ROCK1: variants seen among roughly 807,000 people sequenced by gnomAD.
ROCK1 encodes the protein rho-associated protein kinase 1.
In ROCK1, 36 loss-of-function variants were observed where a neutral mutation model predicts 196.8. The ratio of observed to expected loss-of-function variants is 0.18; its 90% CI spans 0.14 to 0.24. ROCK1 has a LOEUF of 0.24. ROCK1 is among the 10% of genes least tolerant of loss of function. The pLI is 1.00. For missense variants in ROCK1, 920 were observed against 1,562.0 expected (o/e 0.59, Z 6.93); for synonymous variants, 443 against 515.9 (o/e 0.86, Z 1.91).
chr18:20,979,833 C>T (rs2035514262), intron 22 of ROCK1, 77 bp downstream of exon 22: 1 of 1,424,682 alleles, frequency 7.0e-7, no homozygotes, highest in East Asian at 2.6e-5. Context: ...AGAATAATGG[C>T]ACATCTATTC....
chr18:21,091,105 T>C (rs1232138037), intron 1 of ROCK1, among the ~76,000 whole-genome samples: 1 of 151,806 alleles, frequency 6.6e-6, no homozygotes, highest in Non-Finnish European at 1.5e-5. Flanking sequence ...TCCCCTTCCA[T>C]CTCTTTTACC....
At chr18:21,022,646 T>C (rs1469738998) in intron 11 of ROCK1, among the ~76,000 whole-genome samples, 1 of 152,180 alleles carries the variant, frequency 6.6e-6, no homozygotes, top group Non-Finnish European at 1.5e-5. Context: ...ACGTTTTATA[T>C]TCCTCTTCTA....
At chr18:21,041,701 G>A (rs116626303) in intron 8 of ROCK1, among the ~76,000 whole-genome samples, 3,411 of 152,052 alleles carry the variant, frequency 0.022, 138 homozygotes, top group African/African-American at 0.079. Context: ...GTGTATCACC[G>A]TTTTTATACC....
chr18:20,980,164 CA>C (rs1568373967), intron 21 of ROCK1, among the ~76,000 whole-genome samples, 160 bp from the exon 22 acceptor site: 1 of 151,944 alleles, frequency 6.6e-6, no homozygotes, highest in African/African-American at 2.4e-5. Context: ...TAGTCTTACA[CA>C]TGAATTTCCC....
In ROCK1 at chr18:20,990,635, T is replaced by C. The variant is rs943479931; in HGVS notation, c.2143+541A>G. Among the ~76,000 whole-genome samples the C allele has an allele frequency of 6.9e-5, 9 of 131,216 alleles. No individual in the cohort carries two copies. The South Asian group carries it at 7.2e-4, about 10-fold the overall frequency. 86.1% of individuals were successfully genotyped at this position (131,216 alleles called of 152,430 possible). A position where few individuals can be genotyped will look rare whatever the true frequency, so the allele number is the denominator to read the frequency against. The stretch of plus-strand genomic sequence containing the variant: ...CTTGAACCTGGAGGCAGAGACTGCA[T>C]TGAGCCAAGATCACACCATTGCACT... On this transcript the variant is annotated intron_variant, in intron 18 of 32. Coordinates refer to ENST00000399799, the MANE Select transcript of ROCK1 (RefSeq NM_005406.3).
At chr18:21,103,792 C>T (rs547735045) in intron 1 of ROCK1, among the ~76,000 whole-genome samples, 7 of 152,186 alleles carry the variant, frequency 4.6e-5, no homozygotes, top group Admixed American at 2.6e-4. Flanking sequence ...TGGTCCAACT[C>T]TTTGTTCTAC....
chr18:20,948,469 CTTAT>C lies in ROCK1; in HGVS notation c.*2911_*2914del, dbSNP rs2035150823. On this transcript the variant is annotated 3_prime_UTR_variant, in exon 33 of 33. Coordinates refer to ENST00000399799, the MANE Select transcript of ROCK1 (RefSeq NM_005406.3). ...TGAGTTTGTCATTTAAGTTCTTTTA[CTTAT>C]TTTTTTTACTTTAAATGAAGGGTGA... The C allele has an allele frequency of 6.6e-6, 1 of 150,426 alleles. No individual in the cohort carries two copies. The highest frequency in any genetic ancestry group is 1.5e-5 in the Non-Finnish European group (1 of 68,004). 9.3% of individuals were successfully genotyped at this position (150,426 alleles called of 1,614,324 possible). A position where few individuals can be genotyped will look rare whatever the true frequency, so the allele number is the denominator to read the frequency against.
At chr18:21,080,225 C>T (rs2036471717) in intron 1 of ROCK1, among the ~76,000 whole-genome samples, 1 of 152,044 alleles carries the variant, frequency 6.6e-6, no homozygotes, top group Non-Finnish European at 1.5e-5. Context: ...GGCCAATTTT[C>T]CATAAAGAAA....
intron 1 of ROCK1, among the ~76,000 whole-genome samples, chr18:21,101,011 A>C (rs2036654999): frequency 6.6e-6 from 1 of 152,158 alleles, no homozygotes; most frequent in South Asian, 2.1e-4. Flanking sequence ...ACTCCCCTCA[A>C]GTTACCCAGT....
chr18:21,035,937 G>A (rs1283486540), intron 9 of ROCK1, among the ~76,000 whole-genome samples: 1 of 152,134 alleles, frequency 6.6e-6, no homozygotes. Flanking sequence ...CTATTTAAGA[G>A]TTTAGTTTAG....
intron 29 of ROCK1, among the ~76,000 whole-genome samples, chr18:20,957,218 T>A (rs1395149484): frequency 6.6e-6 from 1 of 152,268 alleles, no homozygotes; most frequent in Non-Finnish European, 1.5e-5. Context: ...TCATAAGTCT[T>A]ATTTACGATA....
chr18:20,951,814 A>G (rs2035190447), intron 32 of ROCK1, among the ~76,000 whole-genome samples: 1 of 152,212 alleles, frequency 6.6e-6, no homozygotes, highest in Non-Finnish European at 1.5e-5. Context: ...GCCTGCTTGG[A>G]AGATGTAGGT....
intron 1 of ROCK1, among the ~76,000 whole-genome samples, chr18:21,085,775 C>T (rs766962057): frequency 5.3e-5 from 8 of 152,188 alleles, no homozygotes; most frequent in Non-Finnish European, 1.2e-4. Flanking sequence ...CCATCACCAC[C>T]TCAATGTTCT....
Position 21,066,237 on chromosome 18 carries a change from A to G in ROCK1, c.175+4295T>C, listed in dbSNP as rs142036313. 2.2e-4 allele frequency among the ~76,000 whole-genome samples: 34 copies of G among 152,292 alleles called. No homozygotes were observed. The East Asian group carries it at 6.2e-3, about 28-fold the overall frequency. On this transcript the variant is annotated intron_variant, in intron 2 of 32. Coordinates refer to ENST00000399799, the MANE Select transcript of ROCK1 (RefSeq NM_005406.3). ...GAAGGAGAATGTTCTAATTATATTG[A>G]AAAAATAAGTTTGTTATGTTTATTT... is the stretch of plus-strand genomic sequence containing the variant.
intron 1 of ROCK1, among the ~76,000 whole-genome samples, chr18:21,093,785 T>C (rs1360941167): frequency 4.6e-5 from 7 of 152,006 alleles, no homozygotes; most frequent in Non-Finnish European, 2.9e-5. Flanking sequence ...TGAAACCCCA[T>C]CTCTACTAAA....
At chr18:20,952,995 G>A (rs1223101143) in intron 32 of ROCK1, among the ~76,000 whole-genome samples, 2 of 152,126 alleles carry the variant, frequency 1.3e-5, no homozygotes, top group Non-Finnish European at 2.9e-5. Context: ...CTAGGGCAGG[G>A]ATAGCATTAG....
At chr18:21,084,927 A>C (rs895950878) in intron 1 of ROCK1, among the ~76,000 whole-genome samples, 3 of 152,252 alleles carry the variant, frequency 2.0e-5, no homozygotes, top group Non-Finnish European at 4.4e-5. Flanking sequence ...TTAAAAAAGG[A>C]AATGCTGACA....
intron 12 of ROCK1, among the ~76,000 whole-genome samples, 190 bp from the exon 13 acceptor site, chr18:21,015,669 T>A (rs1251676677): frequency 1.6e-4 from 24 of 152,030 alleles, no homozygotes; most frequent in Non-Finnish European, 3.2e-4. Context: ...AAAAATTATA[T>A]ATGATTAAAA....
At chr18:21,050,903 A>C (rs926645226) in intron 2 of ROCK1, among the ~76,000 whole-genome samples, 5 of 152,244 alleles carry the variant, frequency 3.3e-5, no homozygotes, top group Admixed American at 1.3e-4. Flanking sequence ...ACAGCACTGG[A>C]GATAAATAAA....
Sources: gnomAD v4.1 joint callset for allele counts (sites outside exome capture counted in the v4.1 genomes callset) on GRCh38, gnomAD v4.1.1 for gene constraint, MANE v1.5 for transcripts, NCBI Gene and HGNC (gene_info 2026-07-23, HGNC 2026-07-21) for gene names.